The following CSMD2 variants were observed in gnomAD, a reference collection of about 807,000 sequenced individuals.
CSMD2 encodes CUB and Sushi multiple domains 2.
CSMD2 carries 130 observed loss-of-function variants against 398.5 expected under a neutral mutation model. That is an observed-to-expected ratio of 0.33 (90% confidence interval 0.28 to 0.38). The LOEUF (loss-of-function observed/expected upper bound fraction) is 0.38, where lower values mean the gene tolerates loss of function less well. CSMD2 is among the 10% of genes least tolerant of loss of function. The pLI, the probability that CSMD2 is intolerant of heterozygous loss-of-function variation, is 1.00. For missense variants in CSMD2, 3,829 were observed against 4,764.9 expected, an observed-to-expected ratio of 0.80 and a Z score of 5.78; for synonymous variants, 1,828 against 1,908.5, an observed-to-expected ratio of 0.96 and a Z score of 1.10.
intron 15 of CSMD2, among the ~76,000 whole-genome samples, chr1:33,728,480 T>G (rs1050115423): frequency 2.0e-5 from 3 of 152,208 alleles, no homozygotes; most frequent in African/African-American, 7.2e-5. Flanking sequence ...CTTACTATGC[T>G]AATTGCTACA....
At chr1:33,866,342 C>T (rs1171357017) in intron 5 of CSMD2, among the ~76,000 whole-genome samples, 1 of 152,182 alleles carries the variant, frequency 6.6e-6, no homozygotes, top group African/African-American at 2.4e-5. Context: ...TAAATTGCAG[C>T]ACTGCAAAGC....
chr1:33,563,581 T>C (rs571957026), intron 53 of CSMD2, among the ~76,000 whole-genome samples: 1 of 152,208 alleles, frequency 6.6e-6, no homozygotes, highest in East Asian at 1.9e-4. Flanking sequence ...CCCTATGAGG[T>C]AGGCACCACC....
At chr1:33,532,933 G>A (rs541737634) in intron 64 of CSMD2, 117 bp downstream of exon 64, 16 of 978,444 alleles carry the variant, frequency 1.6e-5, no homozygotes, top group African/African-American at 6.6e-5. Flanking sequence ...AATCAGAAGC[G>A]GGATCCAGCT....
intron 3 of CSMD2, among the ~76,000 whole-genome samples, chr1:33,976,658 C>T (rs114111183): frequency 5.6e-4 from 85 of 152,228 alleles, no homozygotes; most frequent in Non-Finnish European, 7.6e-4. Flanking sequence ...TCCCGCTGCC[C>T]CCTCAAAATG....
chr1:33,569,809 C>G (rs1404871903), intron 51 of CSMD2, among the ~76,000 whole-genome samples: 1 of 152,146 alleles, frequency 6.6e-6, no homozygotes, highest in African/African-American at 2.4e-5. Context: ...GCGCCCTGGC[C>G]TGTGTATTTT....
At chr1:34,149,379 C>T (rs979337859) in intron 1 of CSMD2, among the ~76,000 whole-genome samples, 7 of 152,186 alleles carry the variant, frequency 4.6e-5, no homozygotes, top group African/African-American at 1.7e-4. Context: ...GGCCTCACCT[C>T]AGCCTGCCTG....
At chr1:33,592,451 TG>T (rs1185326161) in intron 44 of CSMD2, 4 of 716,494 alleles carry the variant, frequency 5.6e-6, no homozygotes, top group Non-Finnish European at 1.0e-5. Context: ...GATGTGTGCG[TG>T]GAGGGGTGTC....
chr1:33,664,048 C>T (rs1009634719), intron 25 of CSMD2, among the ~76,000 whole-genome samples: 3 of 152,038 alleles, frequency 2.0e-5, no homozygotes, highest in Non-Finnish European at 4.4e-5. Flanking sequence ...TTTTTGTGTT[C>T]CAGGATCCAA....
At chr1:34,063,653 G>A (rs904968724) in intron 2 of CSMD2, among the ~76,000 whole-genome samples, 16 of 152,184 alleles carry the variant, frequency 1.1e-4, no homozygotes, top group African/African-American at 3.9e-4. Flanking sequence ...TTCATGGGCT[G>A]GCATTGAGTG....
chr1:34,050,467 C>T (rs140123975), intron 2 of CSMD2, among the ~76,000 whole-genome samples: 57 of 152,298 alleles, frequency 3.7e-4, no homozygotes, highest in African/African-American at 1.3e-3. Flanking sequence ...GGCTCATGCT[C>T]ATGGGATTCA....
chr1:34,143,646 AGGT>A (rs1639507427), intron 1 of CSMD2, among the ~76,000 whole-genome samples: 1 of 152,200 alleles, frequency 6.6e-6, no homozygotes, highest in Non-Finnish European at 1.5e-5. Context: ...ATCTGGCACA[AGGT>A]GGTAGCTCAA....
chr1:33,896,606 A>G (rs1642402028), intron 5 of CSMD2, among the ~76,000 whole-genome samples: 1 of 152,126 alleles, frequency 6.6e-6, no homozygotes, highest in African/African-American at 2.4e-5. Context: ...GCTGTGGAGC[A>G]ACAGGGCTTT....
intron 1 of CSMD2, among the ~76,000 whole-genome samples, chr1:34,096,060 C>T (rs1483977559): frequency 6.6e-6 from 1 of 151,750 alleles, no homozygotes; most frequent in Non-Finnish European, 1.5e-5. Flanking sequence ...AGATTATCCA[C>T]CATGATCAAG....
chr1:33,922,070 C>T (rs542953452), intron 4 of CSMD2, among the ~76,000 whole-genome samples: 43 of 152,202 alleles, frequency 2.8e-4, no homozygotes, highest in Admixed American at 6.5e-4. Context: ...CTAGAGGAGA[C>T]GCAGCTCTGC....
At chr1:33,632,669 A>G (rs1026965185) in intron 32 of CSMD2, among the ~76,000 whole-genome samples, 1 of 152,210 alleles carries the variant, frequency 6.6e-6, no homozygotes, top group African/African-American at 2.4e-5. Context: ...AGATCTTTCT[A>G]GAGGGATATT....
chr1:33,600,815 C>G, intron 44 of CSMD2, 50 bp downstream of exon 44: 1 of 1,602,306 alleles, frequency 6.2e-7, no homozygotes, highest in Non-Finnish European at 8.5e-7. Flanking sequence ...CAAGCTCAGC[C>G]TTGACTTGAA....
chr1:34,133,682 T>G (rs1026157264), intron 1 of CSMD2, among the ~76,000 whole-genome samples: 1 of 151,898 alleles, frequency 6.6e-6, no homozygotes. Flanking sequence ...CAAAAGGCTA[T>G]GTTTCACACT....
intron 44 of CSMD2, among the ~76,000 whole-genome samples, chr1:33,588,868 G>T (rs1467810080): frequency 2.0e-5 from 3 of 152,106 alleles, no homozygotes; most frequent in Non-Finnish European, 4.4e-5. Context: ...AGCATGGAGT[G>T]ACACCTCAGA....
At chr1:34,056,695 T>C (rs1217694056) in intron 2 of CSMD2, among the ~76,000 whole-genome samples, 2 of 135,280 alleles carry the variant, frequency 1.5e-5, no homozygotes, top group Non-Finnish European at 3.1e-5. Flanking sequence ...ATTATTTCTA[T>C]CAAAATGTTC....
Sources: gnomAD v4.1 joint callset for allele counts (sites outside exome capture counted in the v4.1 genomes callset) on GRCh38, gnomAD v4.1.1 for gene constraint, MANE v1.5 for transcripts, NCBI Gene and HGNC (gene_info 2026-07-23, HGNC 2026-07-21) for gene names.